Variants in GABRR2 observed in about 807,000 individuals in gnomAD.
GABRR2 encodes gamma-aminobutyric acid receptor subunit rho-2.
Under a neutral mutation model 47.0 loss-of-function variants are expected in GABRR2, and 36 were observed. That is an observed-to-expected ratio of 0.77 (90% CI 0.59 to 1.01). The LOEUF (loss-of-function observed/expected upper bound fraction) is 1.01, where lower values mean the gene tolerates loss of function less well. Ranked by LOEUF, GABRR2 falls within the 50% of genes least tolerant of loss-of-function variation. GABRR2 has a pLI of 0.00. For missense variants in GABRR2, 587 were observed against 594.6 expected (o/e 0.99, Z 0.13); for synonymous variants, 204 against 227.5 (o/e 0.90, Z 0.93).
intron 2 of GABRR2, among the ~76,000 whole-genome samples, chr6:89,274,027 T>C (rs1774111772): frequency 6.6e-6 from 1 of 152,244 alleles, no homozygotes; most frequent in South Asian, 2.1e-4. Context: ...GACCAGGAGC[T>C]AGTTTTGGCT....
At chr6:89,303,259 C>G (rs754114994) in intron 1 of GABRR2, 1 of 351,780 alleles carries the variant, frequency 2.8e-6, no homozygotes, top group Non-Finnish European at 5.6e-6. Flanking sequence ...TTGCCACCCT[C>G]CTGCAGTGTT....
rs547952817 is a variant in GABRR2, at chr6:89,282,909, C to T, written c.221-11187G>A. Among the ~76,000 whole-genome samples the T allele has an allele frequency of 1.1e-4, 17 of 152,332 alleles. No homozygotes were observed. The South Asian group carries it at 2.5e-3, about 22-fold the overall frequency. ...CTGTGCAGCTCCGTGTTCTTGACTT[C>T]GGGCAGACACGTGGAACTGGTGACT... On this transcript the variant is annotated intron_variant, in intron 2 of 8. Coordinates refer to ENST00000402938, the MANE Select transcript of GABRR2 (RefSeq NM_002043.5).
intron 1 of GABRR2, among the ~76,000 whole-genome samples, chr6:89,309,695 C>G (rs1229429703): frequency 1.3e-5 from 2 of 152,092 alleles, no homozygotes; most frequent in Non-Finnish European, 2.9e-5. Flanking sequence ...TATCAGCATC[C>G]CCCCTGGGTT....
At chr6:89,270,236 G>T (rs1774017137) in intron 3 of GABRR2, among the ~76,000 whole-genome samples, 1 of 152,232 alleles carries the variant, frequency 6.6e-6, no homozygotes, top group Admixed American at 6.5e-5. Context: ...AAGCTGAAGA[G>T]CAGGCTCTGA....
intron 1 of GABRR2, chr6:89,301,917 G>A: frequency 9.6e-7 from 1 of 1,036,848 alleles, no homozygotes; most frequent in Non-Finnish European, 1.5e-6. Flanking sequence ...TGGAGCTGGA[G>A]CAGATCAGCA....
intron 1 of GABRR2, among the ~76,000 whole-genome samples, chr6:89,311,396 A>G (rs1767679577): frequency 6.6e-6 from 1 of 152,146 alleles, no homozygotes. Flanking sequence ...GAGGGCCCAG[A>G]GTTTTTTTAA....
chr6:89,298,114 G>A (rs146874170), intron 2 of GABRR2, among the ~76,000 whole-genome samples: 88 of 152,294 alleles, frequency 5.8e-4, no homozygotes, highest in Admixed American at 1.3e-3. Flanking sequence ...AAATATGGTG[G>A]CCTCTTCTTG....
At chr6:89,291,002 A>C (rs7775655) in intron 2 of GABRR2, among the ~76,000 whole-genome samples, 1 of 152,188 alleles carries the variant, frequency 6.6e-6, no homozygotes, top group East Asian at 1.9e-4. Context: ...ACGCACTTTC[A>C]CTAGGCTCTC....
intron 2 of GABRR2, among the ~76,000 whole-genome samples, chr6:89,276,447 C>T (rs922554921): frequency 1.3e-5 from 2 of 151,824 alleles, no homozygotes; most frequent in Admixed American, 6.6e-5. Flanking sequence ...TGCAGAAAAG[C>T]GTTTGTTAAA....
Position 89,265,669 on chromosome 6 carries a change from AGCATGACCATCAGAGTG to A in GABRR2, c.816_832del (p.Thr273ValfsTer105). 1 of 1,614,236 alleles carries A rather than the reference AGCATGACCATCAGAGTG, an allele frequency of 6.2e-7. No homozygotes were observed. The highest frequency in any genetic ancestry group is 8.5e-7 in the Non-Finnish European group (1 of 1,180,034). On this transcript the variant is annotated frameshift_variant, in exon 7 of 9. Coordinates refer to ENST00000402938, the MANE Select transcript of GABRR2 (RefSeq NM_002043.5). LOFTEE classifies it high-confidence loss of function. The stretch of plus-strand genomic sequence containing the variant: ...GTCGATCCAGAAGGACACCCAGGAC[AGCATGACCATCAGAGTG>A]GCAGGGAAATATGTTTGGAGCAAGA...
rs75418279 is a variant in GABRR2 at position 89,289,591 on chromosome 6, G to T, written c.220+10168C>A. Reference sequence around the variant, plus strand: ...CCAAGATCATGTGGAGAACATGGGTGTAAGGGATGGGGGGCACGCCAGAGC... The same window carrying T: ...CCAAGATCATGTGGAGAACATGGGTTTAAGGGATGGGGGGCACGCCAGAGC... On this transcript the variant is annotated intron_variant, in intron 2 of 8. Transcript: ENST00000402938. Among the ~76,000 whole-genome samples, 1,088 of 152,284 alleles carry T rather than the reference G, an allele frequency of 7.1e-3. 9 individuals are homozygous for T. The highest frequency in any genetic ancestry group is 0.023 in the African/African-American group (972 of 41,556).
chr6:89,301,352 A>G (rs1378286633), intron 1 of GABRR2, among the ~76,000 whole-genome samples: 3 of 152,306 alleles, frequency 2.0e-5, no homozygotes, highest in African/African-American at 7.2e-5. Context: ...CCTATTCAAC[A>G]TAGTATTGTA....
rs1172354870 is a variant in GABRR2 at position 89,254,696 on chromosome 6, C to T, written c.*2974G>A. ...ACAATTGTGTTTGCTTCTCTGTCTTCCTGCCTCCAGGGTGAATCATCCCAT... is the reference window on the plus strand; with the variant it reads ...ACAATTGTGTTTGCTTCTCTGTCTTTCTGCCTCCAGGGTGAATCATCCCAT... On this transcript the variant is annotated 3_prime_UTR_variant, in exon 9 of 9. Transcript: ENST00000402938. Among the ~76,000 whole-genome samples, 1 of 152,190 alleles carries T rather than the reference C, an allele frequency of 6.6e-6. No individual in the cohort carries two copies. The highest frequency in any genetic ancestry group is 6.5e-5 in the Admixed American group (1 of 15,288).
At chr6:89,313,368 T>C (rs1486751940) in intron 1 of GABRR2, among the ~76,000 whole-genome samples, 2 of 152,222 alleles carry the variant, frequency 1.3e-5, no homozygotes, top group Admixed American at 6.5e-5. Flanking sequence ...AGTTCTGCTG[T>C]AGAGACATCT....
chr6:89,302,343 C>T (rs1399123684), intron 1 of GABRR2: 2 of 564,672 alleles, frequency 3.5e-6, no homozygotes, highest in Middle Eastern at 3.0e-4. Flanking sequence ...TGTCCATCCA[C>T]CAGCTGGTGG....
intron 1 of GABRR2, 43 bp downstream of exon 1, chr6:89,315,010 A>T (rs1418327421): frequency 6.4e-7 from 1 of 1,558,712 alleles, no homozygotes; most frequent in Non-Finnish European, 8.8e-7. Flanking sequence ...TGCTGCTGCT[A>T]CTATGCAGGG....
intron 2 of GABRR2, among the ~76,000 whole-genome samples, chr6:89,289,520 G>A (rs76081813): frequency 0.029 from 4,460 of 152,244 alleles, 200 homozygotes; most frequent in African/African-American, 0.097. Context: ...TAAATACTAA[G>A]GATAAGATTT....
At position 89,255,502 on chromosome 6, in the gene GABRR2, T is replaced by C. The variant is rs1207560117; in HGVS notation, c.*2168A>G. 6.6e-6 allele frequency among the ~76,000 whole-genome samples: 1 copy of C among 152,176 alleles called. No individual in the cohort carries two copies. Among genetic ancestry groups the C allele is most frequent in the Non-Finnish European group, 1.5e-5 (1 of 68,030 alleles). On this transcript the variant is annotated 3_prime_UTR_variant, in exon 9 of 9. Coordinates refer to ENST00000402938, the MANE Select transcript of GABRR2 (RefSeq NM_002043.5). ...TGTACCACCCAATTACCCATATTTATGCATTTTTGTTCTTCATTGGTCTGT... is the reference window on the plus strand; with the variant it reads ...TGTACCACCCAATTACCCATATTTACGCATTTTTGTTCTTCATTGGTCTGT...
Position 89,267,816 on chromosome 6 carries a change from G to A in GABRR2, c.599C>T (p.Ala200Val), listed in dbSNP as rs767729955. 2.5e-6 allele frequency: 4 copies of A among 1,610,204 alleles called. No homozygotes were observed. The Admixed American group carries it at 6.7e-5, about 27-fold the overall frequency. ...CAGCATTAGATCTTCATCTGTATAG[G>A]CATCTTTGGGAAGAGGAAAACAAGT... ...QTCSLELESY[A>V]YTDEDLMLYW... Residue 200 changes from alanine (A) to valine (V), a missense_variant, in exon 6 of 9, where the codon GCC becomes GTC. Ala to Val is a moderately conservative substitution (Grantham distance 64). Coordinates refer to ENST00000402938, the MANE Select transcript of GABRR2 (RefSeq NM_002043.5).
Sources: gnomAD v4.1 joint callset for allele counts (sites outside exome capture counted in the v4.1 genomes callset) on GRCh38, gnomAD v4.1.1 for gene constraint, MANE v1.5 for transcripts, NCBI Gene and HGNC (gene_info 2026-07-23, HGNC 2026-07-21) for gene names.